Variants in ABCA13 observed in about 807,000 individuals in gnomAD.
ABCA13 encodes the protein ATP binding cassette subfamily A member 13, also known as ATP-binding cassette sub-family A member 13.
In ABCA13, 476 loss-of-function variants were observed where a neutral mutation model predicts 478.7. The ratio of observed to expected loss-of-function variants is 0.99; its 90% CI spans 0.92 to 1.07. ABCA13 has a LOEUF of 1.07. Among genes scored for constraint, ABCA13 ranks in the 50% least tolerant of loss-of-function variants. The probability of loss-of-function intolerance (pLI) is 0.00; values close to 1 mark genes in which losing one functional copy is unlikely to be tolerated. For synonymous variants in ABCA13, 2,252 were observed against 2,158.9 expected, an observed-to-expected ratio of 1.04 and a Z score of -1.20; for missense variants, 6,060 against 5,910.6, an observed-to-expected ratio of 1.03 and a Z score of -0.83.
chr7:48,508,457 G>A (rs1585641861), intron 50 of ABCA13, among the ~76,000 whole-genome samples: 1 of 152,136 alleles, frequency 6.6e-6, no homozygotes, highest in East Asian at 1.9e-4. Flanking sequence ...TAGGTATGGC[G>A]GGTATTATTA....
chr7:48,444,018 C>G (rs559155463), intron 42 of ABCA13, among the ~76,000 whole-genome samples: 4 of 152,276 alleles, frequency 2.6e-5, no homozygotes, highest in African/African-American at 7.2e-5. Context: ...AGGAAACATC[C>G]TCTTTCCTTC....
chr7:48,207,284 T>G (rs1314343031), intron 3 of ABCA13, among the ~76,000 whole-genome samples: 2 of 144,830 alleles, frequency 1.4e-5, no homozygotes, highest in African/African-American at 5.0e-5. Context: ...ATGTCTCTGT[T>G]TTTTTTTTCC....
chr7:48,441,181 G>A (rs533689858), intron 42 of ABCA13, among the ~76,000 whole-genome samples: 1 of 152,224 alleles, frequency 6.6e-6, no homozygotes, highest in South Asian at 2.1e-4. Flanking sequence ...CTTAGTAGAT[G>A]TAACTTAATC....
chr7:48,236,121 G>C (rs1280285341), intron 8 of ABCA13, among the ~76,000 whole-genome samples: 2 of 152,120 alleles, frequency 1.3e-5, no homozygotes, highest in Non-Finnish European at 2.9e-5. Context: ...AGATTATTAA[G>C]GCTTATATGC....
chr7:48,181,053 C>T (rs568312827), intron 1 of ABCA13, among the ~76,000 whole-genome samples: 5 of 152,334 alleles, frequency 3.3e-5, no homozygotes, highest in African/African-American at 7.2e-5. Flanking sequence ...TTTTTAGTTT[C>T]GTTCCATCTG....
intron 42 of ABCA13, among the ~76,000 whole-genome samples, chr7:48,439,711 T>C (rs1823323598): frequency 6.6e-6 from 1 of 152,132 alleles, no homozygotes; most frequent in Admixed American, 6.6e-5. Context: ...GCATAAAAAA[T>C]TTTATAAGAG....
Position 48,455,256 on chromosome 7 carries a change from A to G in ABCA13, c.12785A>G (p.His4262Arg), listed in dbSNP as rs77396954. Residue 4262 changes from histidine (H) to arginine (R), a missense_variant, in exon 43 of 62, where the codon CAT (histidine) becomes CGT (arginine). Transcript: ENST00000435803. ...CCTCCCCTCAGACTCACACCTGGAC[A>G]TTACCAGCGGGCCGAGACCTACTTT... is the stretch of plus-strand genomic sequence containing the variant. ...EYPPLRLTPG[H>R]YQRAETYFFS... The G allele has an allele frequency of 3.0e-5, 48 of 1,606,194 alleles. No individual in the cohort carries two copies. Among genetic ancestry groups the G allele is most frequent in the Non-Finnish European group, 4.1e-5 (48 of 1,176,620 alleles).
chr7:48,377,280 G>T lies in ABCA13; in HGVS notation c.11335+708G>T, dbSNP rs532001148. Among the ~76,000 whole-genome samples the T allele has an allele frequency of 3.3e-5, 5 of 151,572 alleles. No individual in the cohort carries two copies. In the South Asian group the frequency reaches 1.0e-3, roughly 32 times the overall value. Reference sequence around the variant, plus strand: ...AGGCACGCATACCTTTACCTTTTTGGTTCAGGCCCGAAAGAGCAGAAATAG... The same window carrying T: ...AGGCACGCATACCTTTACCTTTTTGTTTCAGGCCCGAAAGAGCAGAAATAG... On this transcript the variant is annotated intron_variant, in intron 35 of 61. Transcript: ENST00000435803.
chr7:48,443,738 T>C (rs2129170757), intron 42 of ABCA13, among the ~76,000 whole-genome samples: 1 of 152,264 alleles, frequency 6.6e-6, no homozygotes, highest in South Asian at 2.1e-4. Context: ...CAATTTCAAA[T>C]GTCCCCTCTC....
chr7:48,219,264 A>AATATTAACTTGGTATC (rs1554349509), intron 3 of ABCA13, 90 bp from the exon 4 acceptor site: 24 of 1,400,468 alleles, frequency 1.7e-5, no homozygotes, highest in Non-Finnish European at 1.1e-5. Context: ...AGTTTAATTG[A>AATATTAACTTGGTATC]AAGCAATTTG....
chr7:48,499,204 C>T (rs1052215535), intron 48 of ABCA13, among the ~76,000 whole-genome samples: 6 of 152,086 alleles, frequency 3.9e-5, no homozygotes, highest in African/African-American at 1.2e-4. Flanking sequence ...GAGAGAAAGT[C>T]ATCAAAACGC....
intron 21 of ABCA13, among the ~76,000 whole-genome samples, chr7:48,296,529 G>A (rs1324897151): frequency 1.3e-5 from 2 of 150,220 alleles, no homozygotes; most frequent in East Asian, 2.0e-4. Context: ...GCGCGATCTC[G>A]GCTCACTGCA....
Position 48,272,798 on chromosome 7 carries a change from C to G in ABCA13, c.3132C>G (p.Ala1044=). ...TTTTTAACTTTTTGGAGCTTCAGGC[C>G]CAATCCTTCATGTCTACAGAGGGCC... The part of the protein sequence containing the change: ...LSIFNFLELQ[A]QSFMSTEGQE... The change falls in exon 17 of 62, where the codon GCC becomes GCG. Residue 1044 remains alanine (A), a synonymous_variant. Coordinates refer to ENST00000435803, the MANE Select transcript of ABCA13 (RefSeq NM_152701.5). The G allele has an allele frequency of 6.2e-7, 1 of 1,605,212 alleles. No individual in the cohort carries two copies. The highest frequency in any genetic ancestry group is 8.5e-7 in the Non-Finnish European group (1 of 1,174,814).
At chr7:48,610,316 C>T (rs1482255643) in intron 58 of ABCA13, among the ~76,000 whole-genome samples, 1 of 152,178 alleles carries the variant, frequency 6.6e-6, no homozygotes, top group Non-Finnish European at 1.5e-5. Context: ...CCTTTGATTC[C>T]ATGTCCCACA....
intron 59 of ABCA13, among the ~76,000 whole-genome samples, chr7:48,622,273 C>T (rs1394568554): frequency 1.3e-5 from 2 of 152,090 alleles, no homozygotes; most frequent in South Asian, 2.1e-4. Flanking sequence ...TTCTTTCTGC[C>T]GAACCTTCTC....
chr7:48,587,146 T>G lies in ABCA13; in HGVS notation c.14506-8T>G, dbSNP rs1221989487. ...GCTGGTGTGCACATGGACATGCCTC[T>G]CTTCCAGGTTGCTGGAGACCTCATC... On this transcript the variant is annotated splice_region_variant and splice_polypyrimidine_tract_variant and intron_variant, in intron 56 of 61. Coordinates refer to ENST00000435803, the MANE Select transcript of ABCA13 (RefSeq NM_152701.5). The G allele has an allele frequency of 1.2e-6, 2 of 1,613,078 alleles. No individual in the cohort carries two copies. Among genetic ancestry groups the G allele is most frequent in the South Asian group, 2.2e-5 (2 of 90,786 alleles).
At chr7:48,323,601 C>A (rs1803848959) in intron 27 of ABCA13, among the ~76,000 whole-genome samples, 1 of 152,202 alleles carries the variant, frequency 6.6e-6, no homozygotes, top group Non-Finnish European at 1.5e-5. Context: ...ACCACCACTG[C>A]AGGTAGGTAC....
At chr7:48,447,198 C>T (rs1447568998) in intron 42 of ABCA13, among the ~76,000 whole-genome samples, 1 of 152,180 alleles carries the variant, frequency 6.6e-6, no homozygotes. Flanking sequence ...GCAGACAGGA[C>T]TAGCTCTGAG....
chr7:48,266,302 C>G (rs897257392), intron 15 of ABCA13, among the ~76,000 whole-genome samples: 1 of 151,504 alleles, frequency 6.6e-6, no homozygotes, highest in African/African-American at 2.4e-5. Flanking sequence ...CAGAAGTATT[C>G]TCTTATTTTC....
Sources: allele counts gnomAD v4.1 joint callset (sites outside exome capture counted in the v4.1 genomes callset), GRCh38; gene constraint gnomAD v4.1.1; transcripts MANE v1.5; gene names NCBI Gene and HGNC (gene_info 2026-07-23, HGNC 2026-07-21).